Variants in CDH9 observed in about 807,000 individuals in gnomAD.
CDH9 encodes cadherin 9.
Under a neutral mutation model 70.9 loss-of-function variants are expected in CDH9, and 28 were observed. The ratio of observed to expected loss-of-function variants is 0.40; its 90% CI spans 0.29 to 0.54. The LOEUF (loss-of-function observed/expected upper bound fraction) is 0.54, where lower values mean the gene tolerates loss of function less well. Ranked by LOEUF, CDH9 falls within the 20% of genes least tolerant of loss-of-function variation. The probability of loss-of-function intolerance (pLI) is 0.59; values close to 1 mark genes in which losing one functional copy is unlikely to be tolerated. For synonymous variants in CDH9, 409 were observed against 343.1 expected, an observed-to-expected ratio of 1.19 and a Z score of -2.12; for missense variants, 874 against 984.4, an observed-to-expected ratio of 0.89 and a Z score of 1.50.
At chr5:26,991,381 T>C (rs1451756868) in intron 1 of CDH9, among the ~76,000 whole-genome samples, 1 of 152,236 alleles carries the variant, frequency 6.6e-6, no homozygotes, top group Non-Finnish European at 1.5e-5. Context: ...ATGCCTAACG[T>C]GCTGCAAGTT....
chr5:26,915,554 TA>T, intron 3 of CDH9, 75 bp downstream of exon 3: 2 of 854,242 alleles, frequency 2.3e-6, no homozygotes, highest in Non-Finnish European at 3.8e-6. Context: ...CCACATATCA[TA>T]ACCACAAGTC....
intron 2 of CDH9, among the ~76,000 whole-genome samples, chr5:26,980,928 G>GT (rs1228690186): frequency 1.3e-5 from 2 of 152,030 alleles, no homozygotes; most frequent in African/African-American, 2.4e-5. Flanking sequence ...GTTCCACACT[G>GT]TAGGTGCTCA....
intron 2 of CDH9, among the ~76,000 whole-genome samples, chr5:26,983,322 G>A (rs889340112): frequency 6.6e-6 from 1 of 152,148 alleles, no homozygotes; most frequent in African/African-American, 2.4e-5. Flanking sequence ...GTGAATTTCA[G>A]TTAATTTTCT....
At chr5:27,023,709 T>C (rs974113905) in intron 1 of CDH9, among the ~76,000 whole-genome samples, 1 of 152,060 alleles carries the variant, frequency 6.6e-6, no homozygotes, top group Non-Finnish European at 1.5e-5. Context: ...TTAAAGTTCT[T>C]ATATCCAACA....
Position 27,036,307 on chromosome 5 carries a change from C to G in CDH9, c.-50+2156G>C, listed in dbSNP as rs142575782. 7.9e-3 allele frequency among the ~76,000 whole-genome samples: 1,207 copies of G among 151,964 alleles called. 60 individuals carry two copies. Among genetic ancestry groups the G allele is most frequent in the Admixed American group, 0.073 (1,104 of 15,218 alleles). On this transcript the variant is annotated intron_variant, in intron 1 of 11. Transcript: ENST00000231021. Reference sequence around the variant, plus strand: ...GTTACAGGAAAACACCAGAACAAATCCCTCCATGTAAGGTGACGTTCAGAT... The same window carrying G: ...GTTACAGGAAAACACCAGAACAAATGCCTCCATGTAAGGTGACGTTCAGAT...
At chr5:27,032,598 C>T (rs1743327440) in intron 1 of CDH9, among the ~76,000 whole-genome samples, 1 of 151,542 alleles carries the variant, frequency 6.6e-6, no homozygotes, top group Non-Finnish European at 1.5e-5. Flanking sequence ...TGTGTAAATG[C>T]TTTATTAAGT....
intron 2 of CDH9, among the ~76,000 whole-genome samples, chr5:26,929,717 T>A (rs1450209782): frequency 6.6e-6 from 1 of 152,118 alleles, no homozygotes; most frequent in Non-Finnish European, 1.5e-5. Flanking sequence ...GAGGTCATTA[T>A]GTTAAGTGGA....
intron 2 of CDH9, among the ~76,000 whole-genome samples, chr5:26,930,659 T>C (rs1381234327): frequency 1.3e-5 from 2 of 152,124 alleles, no homozygotes; most frequent in African/African-American, 4.8e-5. Context: ...ATTTTACTTC[T>C]TTTTTAACCT....
chr5:26,889,500 G>T, intron 9 of CDH9, among the ~76,000 whole-genome samples: 1 of 151,956 alleles, frequency 6.6e-6, no homozygotes, highest in Admixed American at 6.6e-5. Context: ...TTTATTTAAT[G>T]ATATATTTTC....
intron 2 of CDH9, among the ~76,000 whole-genome samples, chr5:26,958,657 T>C (rs1741985797): frequency 6.6e-6 from 1 of 152,214 alleles, no homozygotes; most frequent in African/African-American, 2.4e-5. Context: ...AAGAAAAAGT[T>C]GTTTTAAACA....
chr5:26,989,508 GTCTCTCTCTC>G (rs150867847), intron 1 of CDH9, among the ~76,000 whole-genome samples: 5 of 146,784 alleles, frequency 3.4e-5, no homozygotes, highest in African/African-American at 1.0e-4. Context: ...TCTCTTCTCT[GTCTCTCTCTC>G]TCTCTCTCTC....
At chr5:26,924,923 T>C (rs2112016608) in intron 2 of CDH9, among the ~76,000 whole-genome samples, 1 of 152,278 alleles carries the variant, frequency 6.6e-6, no homozygotes, top group Admixed American at 6.5e-5. Flanking sequence ...GGTGTATATG[T>C]GTCACCTTTT....
intron 2 of CDH9, among the ~76,000 whole-genome samples, chr5:26,940,316 G>A (rs1210070472): frequency 1.3e-5 from 2 of 152,106 alleles, no homozygotes; most frequent in African/African-American, 4.8e-5. Flanking sequence ...AACATTTTCA[G>A]AGGCTTTTAA....
intron 1 of CDH9, among the ~76,000 whole-genome samples, chr5:27,032,303 G>A (rs1743322428): frequency 6.6e-6 from 1 of 151,392 alleles, no homozygotes; most frequent in South Asian, 2.1e-4. Context: ...TTTATTGTCA[G>A]TGATTGTATT....
intron 2 of CDH9, among the ~76,000 whole-genome samples, chr5:26,917,768 C>T (rs1207310475): frequency 6.6e-6 from 1 of 151,994 alleles, no homozygotes; most frequent in Non-Finnish European, 1.5e-5. Context: ...ATCATGCTGC[C>T]TCCACTCTTG....
chr5:26,958,867 G>C (rs1274194614), intron 2 of CDH9, among the ~76,000 whole-genome samples: 1 of 152,056 alleles, frequency 6.6e-6, no homozygotes, highest in Non-Finnish European at 1.5e-5. Flanking sequence ...ACTCAAAATA[G>C]ATCAATGGCC....
At chr5:26,942,336 A>G (rs1561203045) in intron 2 of CDH9, among the ~76,000 whole-genome samples, 1 of 152,138 alleles carries the variant, frequency 6.6e-6, no homozygotes, top group African/African-American at 2.4e-5. Flanking sequence ...TGTGGGAACT[A>G]CAATTCAAGA....
chr5:26,909,937 C>A (rs1741019652), intron 3 of CDH9, among the ~76,000 whole-genome samples: 1 of 151,662 alleles, frequency 6.6e-6, no homozygotes, highest in South Asian at 2.1e-4. Flanking sequence ...AAAAATTCAT[C>A]AATATAATTA....
chr5:26,992,391 G>T (rs1275487453), intron 1 of CDH9, among the ~76,000 whole-genome samples: 1 of 152,108 alleles, frequency 6.6e-6, no homozygotes, highest in Non-Finnish European at 1.5e-5. Flanking sequence ...GGCATGAGAG[G>T]GTTCTCTTGC....
Sources: allele counts gnomAD v4.1 joint callset (sites outside exome capture counted in the v4.1 genomes callset), GRCh38; gene constraint gnomAD v4.1.1; transcripts MANE v1.5; gene names NCBI Gene and HGNC (gene_info 2026-07-23, HGNC 2026-07-21).